Variants in ADGRV1 observed in about 807,000 individuals in gnomAD.
ADGRV1 encodes the protein adhesion G protein-coupled receptor V1, also known as G-protein coupled receptor 98.
In ADGRV1, 359 loss-of-function variants were observed where a neutral mutation model predicts 596.2. That is an observed-to-expected ratio of 0.60 (90% CI 0.55 to 0.66). The LOEUF is 0.66. Among genes scored for constraint, ADGRV1 ranks in the 30% least tolerant of loss-of-function variants. ADGRV1 has a pLI of 0.00. For synonymous variants in ADGRV1, 2,681 were observed against 2,679.2 expected, an observed-to-expected ratio of 1.00 and a Z score of -0.02; for missense variants, 7,274 against 7,575.6, an observed-to-expected ratio of 0.96 and a Z score of 1.48.
intron 89 of ADGRV1, among the ~76,000 whole-genome samples, chr5:91,155,813 G>A (rs544521226): frequency 7.3e-4 from 111 of 152,240 alleles, no homozygotes; most frequent in Admixed American, 1.2e-3. Flanking sequence ...TTGTTTTGAG[G>A]CAAAATAACT....
rs376861669 is a variant in ADGRV1, at chr5:90,676,048, G to A, written c.5314-32G>A. On this transcript the variant is annotated intron_variant, in intron 24 of 89. Transcript: ENST00000405460. ...TAATCTATTCATATACAGAATGATTGTAATCTAATGGATCAGTCTTTTATA... is the reference window on the plus strand; with the variant it reads ...TAATCTATTCATATACAGAATGATTATAATCTAATGGATCAGTCTTTTATA... 22 of 1,549,042 alleles carry A rather than the reference G, an allele frequency of 1.4e-5. No individual in the cohort carries two copies. In the African/African-American group the frequency reaches 2.6e-4, roughly 18 times the overall value.
intron 33 of ADGRV1, among the ~76,000 whole-genome samples, chr5:90,695,532 C>T (rs936145640): frequency 2.6e-5 from 4 of 151,948 alleles, no homozygotes; most frequent in African/African-American, 9.7e-5. Flanking sequence ...CTCTAAAAAC[C>T]TCAAAATATA....
chr5:91,143,440 G>A (rs1795268739), intron 87 of ADGRV1, among the ~76,000 whole-genome samples: 1 of 152,196 alleles, frequency 6.6e-6, no homozygotes. Context: ...GAGCTTTATT[G>A]AGTGATAGAG....
intron 77 of ADGRV1, among the ~76,000 whole-genome samples, chr5:90,832,722 G>A (rs1168032288): frequency 6.6e-6 from 1 of 152,126 alleles, no homozygotes; most frequent in African/African-American, 2.4e-5. Flanking sequence ...TTCTTAGTTT[G>A]AGATCTTAAA....
intron 83 of ADGRV1, among the ~76,000 whole-genome samples, chr5:90,874,865 C>CA (rs1276861373): frequency 6.6e-5 from 10 of 150,528 alleles, no homozygotes; most frequent in Non-Finnish European, 1.2e-4. Context: ...CAAAAAAAAA[C>CA]AAAAAACAAA....
intron 83 of ADGRV1, among the ~76,000 whole-genome samples, chr5:90,919,994 C>CAAAAAAAAAAAA (rs59122926): frequency 1.2e-5 from 1 of 80,082 alleles, no homozygotes; most frequent in African/African-American, 4.8e-5. Context: ...AACTCCATCT[C>CAAAAAAAAAAAA]AAAAAAAAAA....
In ADGRV1 at chr5:91,036,937, A is replaced by G. The variant is rs141979454; in HGVS notation, c.18153-35510A>G. Among the ~76,000 whole-genome samples the G allele has an allele frequency of 3.3e-4, 51 of 152,324 alleles. 1 individual carries two copies. The highest frequency in any genetic ancestry group is 1.2e-3 in the African/African-American group (51 of 41,586). On this transcript the variant is annotated intron_variant, in intron 85 of 89. Transcript: ENST00000405460. The stretch of plus-strand genomic sequence containing the variant: ...CAACTTAGATGACCTTTTTGTTGCC[A>G]GGGACTCTGATGGATCTGAAATACT...
chr5:90,891,349 C>T (rs941796639), intron 83 of ADGRV1, among the ~76,000 whole-genome samples: 21 of 150,948 alleles, frequency 1.4e-4, no homozygotes, highest in Admixed American at 5.9e-4. Context: ...AAGGTAATAT[C>T]GAAATAGCTT....
At chr5:90,618,098 A>T in intron 3 of ADGRV1, 145 bp downstream of exon 3, 1 of 532,470 alleles carries the variant, frequency 1.9e-6, no homozygotes, top group South Asian at 4.3e-5. Context: ...AGAACTGACA[A>T]CCTCTTCAGC....
At chr5:91,104,846 CTTTCT>C (rs986896687) in intron 87 of ADGRV1, among the ~76,000 whole-genome samples, 2 of 141,242 alleles carry the variant, frequency 1.4e-5, no homozygotes, top group African/African-American at 5.1e-5. Flanking sequence ...CTTTTCTTTT[CTTTCT>C]TTTCTTTTCT....
intron 9 of ADGRV1, among the ~76,000 whole-genome samples, chr5:90,633,535 A>G (rs10462489): frequency 0.18 from 27,506 of 151,962 alleles, 2,684 homozygotes; most frequent in East Asian, 0.4. Flanking sequence ...TTTGCCTTAT[A>G]ACAATGCACA....
intron 83 of ADGRV1, among the ~76,000 whole-genome samples, chr5:90,899,863 G>A (rs993287053): frequency 7.2e-5 from 11 of 152,140 alleles, no homozygotes; most frequent in African/African-American, 2.7e-4. Context: ...TGAGCCTGAT[G>A]GGGTTTTGGC....
At chr5:90,654,627 T>C (rs1769137502) in intron 20 of ADGRV1, 1 of 152,558 alleles carries the variant, frequency 6.6e-6, no homozygotes, top group African/African-American at 2.4e-5. Context: ...CTCCATCTTA[T>C]GATTTTATTC....
intron 9 of ADGRV1, 30 bp downstream of exon 9, chr5:90,629,569 T>A: frequency 6.8e-7 from 1 of 1,475,634 alleles, no homozygotes; most frequent in Non-Finnish European, 9.3e-7. Context: ...AATCGTAATT[T>A]TGGTTAACCT....
chr5:90,667,430 C>T (rs10942602), intron 21 of ADGRV1, among the ~76,000 whole-genome samples: 43,414 of 143,446 alleles, frequency 0.3, 7,163 homozygotes, highest in Admixed American at 0.45. Context: ...GCATTCTTCA[C>T]GTAGTTCTCG....
At chr5:90,947,141 C>A (rs994985381) in intron 83 of ADGRV1, among the ~76,000 whole-genome samples, 59 of 152,108 alleles carry the variant, frequency 3.9e-4, no homozygotes, top group African/African-American at 1.4e-3. Context: ...ATAGCCTTGC[C>A]AGCATTGGTT....
intron 83 of ADGRV1, among the ~76,000 whole-genome samples, chr5:90,958,417 AG>A (rs1777696306): frequency 6.6e-6 from 1 of 152,212 alleles, no homozygotes; most frequent in Admixed American, 6.5e-5. Flanking sequence ...CAAACAGCAA[AG>A]TAAGAATAGA....
intron 73 of ADGRV1, among the ~76,000 whole-genome samples, chr5:90,809,175 C>G (rs1762195978): frequency 6.6e-6 from 1 of 151,708 alleles, no homozygotes; most frequent in Non-Finnish European, 1.5e-5. Flanking sequence ...CCAGGATGGT[C>G]TCGATCTCCT....
chr5:90,615,361 C>A (rs903568939), intron 2 of ADGRV1, among the ~76,000 whole-genome samples: 1 of 151,424 alleles, frequency 6.6e-6, no homozygotes, highest in Non-Finnish European at 1.5e-5. Flanking sequence ...GTAGAGAAAA[C>A]GTATGGAATA....
Sources: gnomAD v4.1 joint callset for allele counts (sites outside exome capture counted in the v4.1 genomes callset) on GRCh38, gnomAD v4.1.1 for gene constraint, MANE v1.5 for transcripts, NCBI Gene and HGNC (gene_info 2026-07-23, HGNC 2026-07-21) for gene names.